Variants in FHIT observed in about 807,000 individuals in gnomAD.
The protein encoded by FHIT is fragile histidine triad diadenosine triphosphatase.
In FHIT, 19 loss-of-function variants were observed where a neutral mutation model predicts 17.9. That is an observed-to-expected ratio of 1.06 (90% CI 0.74 to 1.56). FHIT has a LOEUF of 1.56. Ranked by LOEUF, FHIT falls within the 40% of genes most tolerant of loss-of-function variation. The pLI, the probability that FHIT is intolerant of heterozygous loss-of-function variation, is 0.00. For synonymous variants in FHIT, 81 were observed against 69.7 expected (o/e 1.16, Z -0.81); for missense variants, 248 against 189.2 (o/e 1.31, Z -1.82).
intron 7 of FHIT, among the ~76,000 whole-genome samples, chr3:59,970,047 C>T (rs1191010278): frequency 6.6e-6 from 1 of 151,998 alleles, no homozygotes; most frequent in Non-Finnish European, 1.5e-5. Flanking sequence ...AGGGAACCTC[C>T]CTAACCTGCC....
At chr3:59,897,487 C>A (rs1704120941) in intron 8 of FHIT, among the ~76,000 whole-genome samples, 2 of 152,158 alleles carry the variant, frequency 1.3e-5, no homozygotes, top group Admixed American at 1.3e-4. Flanking sequence ...CCAACTACAT[C>A]AAGAATCTCT....
chr3:60,554,902 G>T (rs2036692337), intron 4 of FHIT, among the ~76,000 whole-genome samples: 1 of 152,138 alleles, frequency 6.6e-6, no homozygotes, highest in South Asian at 2.1e-4. Context: ...CGGAGTATAA[G>T]GCTAATTACA....
intron 3 of FHIT, among the ~76,000 whole-genome samples, chr3:61,014,808 A>AAAAAAAAAAT (rs1156410696): frequency 0.02 from 546 of 26,932 alleles, 63 homozygotes; most frequent in East Asian, 0.032. Context: ...AAAAAAAAAA[A>AAAAAAAAAAT]TATATATATA....
intron 2 of FHIT, among the ~76,000 whole-genome samples, chr3:61,196,824 G>A (rs1219440438): frequency 6.6e-6 from 1 of 152,218 alleles, no homozygotes; most frequent in Non-Finnish European, 1.5e-5. Flanking sequence ...GAGGGATACA[G>A]CCATTGCCAA....
chr3:60,230,273 T>C (rs1343638582), intron 5 of FHIT, among the ~76,000 whole-genome samples: 1 of 152,124 alleles, frequency 6.6e-6, no homozygotes. Context: ...CTAATCTAAA[T>C]ATAAAATCAC....
At chr3:61,017,949 C>A (rs181275272) in intron 3 of FHIT, among the ~76,000 whole-genome samples, 1 of 152,042 alleles carries the variant, frequency 6.6e-6, no homozygotes, top group Non-Finnish European at 1.5e-5. Flanking sequence ...AAAGAAGATA[C>A]GAGAGGAGTC....
In FHIT at chr3:60,022,219, A is replaced by G. The variant is rs1412870819; in HGVS notation, c.104-8067T>C. 3.3e-5 allele frequency among the ~76,000 whole-genome samples: 5 copies of G among 152,322 alleles called. No homozygotes were observed. The East Asian group carries it at 5.8e-4, about 18-fold the overall frequency. ...AAACAAAAAGTTGAGTACATGTCCT[A>G]TTAATCACATGGGCAAAGAAAGAGA... On this transcript the variant is annotated intron_variant, in intron 5 of 9. Coordinates refer to ENST00000492590, the MANE Select transcript of FHIT (RefSeq NM_002012.4).
At chr3:60,010,245 A>G (rs1700088431) in intron 7 of FHIT, among the ~76,000 whole-genome samples, 1 of 152,234 alleles carries the variant, frequency 6.6e-6, no homozygotes, top group Non-Finnish European at 1.5e-5. Flanking sequence ...AGAGCCTCAC[A>G]TGGAGGTGAG....
At chr3:60,920,392 C>T (rs1227671872) in intron 3 of FHIT, among the ~76,000 whole-genome samples, 1 of 152,062 alleles carries the variant, frequency 6.6e-6, no homozygotes, top group Non-Finnish European at 1.5e-5. Context: ...TATTATTCAA[C>T]TATTCCATTT....
At chr3:59,866,559 A>G (rs969680433) in intron 8 of FHIT, among the ~76,000 whole-genome samples, 2 of 152,210 alleles carry the variant, frequency 1.3e-5, no homozygotes, top group Non-Finnish European at 2.9e-5. Flanking sequence ...AGGATCAACA[A>G]GAAGACTGTT....
intron 2 of FHIT, among the ~76,000 whole-genome samples, chr3:61,115,620 G>A (rs940025215): frequency 1.4e-4 from 21 of 152,172 alleles, no homozygotes; most frequent in African/African-American, 4.3e-4. Context: ...TAGCCAGAAT[G>A]ACTCTGAGAT....
chr3:60,941,821 GT>G (rs1382239783), intron 3 of FHIT, among the ~76,000 whole-genome samples: 1 of 152,050 alleles, frequency 6.6e-6, no homozygotes, highest in Non-Finnish European at 1.5e-5. Context: ...TTTAGACTCT[GT>G]TCCACCTTCT....
chr3:60,972,418 T>C (rs370519619), intron 3 of FHIT, among the ~76,000 whole-genome samples: 31 of 152,338 alleles, frequency 2.0e-4, no homozygotes, highest in African/African-American at 7.2e-4. Context: ...TTCCATTGTT[T>C]TGGTTTAAAA....
chr3:60,294,280 G>A (rs939224501), intron 5 of FHIT, among the ~76,000 whole-genome samples: 1 of 152,104 alleles, frequency 6.6e-6, no homozygotes, highest in African/African-American at 2.4e-5. Context: ...ATGTCCAAGC[G>A]TACTTCTGAG....
At chr3:60,635,344 G>A (rs571579556) in intron 4 of FHIT, among the ~76,000 whole-genome samples, 91 of 152,096 alleles carry the variant, frequency 6.0e-4, no homozygotes, top group Non-Finnish European at 1.0e-3. Flanking sequence ...CATCTCCCTC[G>A]TAAACCGCAT....
intron 4 of FHIT, among the ~76,000 whole-genome samples, chr3:60,663,317 GA>G (rs1325108983): frequency 1.5e-4 from 23 of 151,452 alleles, no homozygotes; most frequent in African/African-American, 5.6e-4. Context: ...AATTTGGGCA[GA>G]ACTGACATCT....
chr3:60,422,226 A>T (rs241695), intron 5 of FHIT, among the ~76,000 whole-genome samples: 3,800 of 152,268 alleles, frequency 0.025, 76 homozygotes, highest in African/African-American at 0.065. Flanking sequence ...CTGGAGAGTC[A>T]TATGGAAATA....
intron 3 of FHIT, among the ~76,000 whole-genome samples, chr3:60,986,403 C>T (rs1351305158): frequency 6.6e-6 from 1 of 152,156 alleles, no homozygotes; most frequent in East Asian, 1.9e-4. Flanking sequence ...ATTCTCCTTT[C>T]TGAATACTGG....
chr3:60,885,800 T>C (rs1705196581), intron 3 of FHIT, among the ~76,000 whole-genome samples: 1 of 152,224 alleles, frequency 6.6e-6, no homozygotes, highest in South Asian at 2.1e-4. Context: ...TTGCTTGACA[T>C]TTAACTCTCA....
Sources: gnomAD v4.1 joint callset for allele counts (sites outside exome capture counted in the v4.1 genomes callset) on GRCh38, gnomAD v4.1.1 for gene constraint, MANE v1.5 for transcripts, NCBI Gene and HGNC (gene_info 2026-07-23, HGNC 2026-07-21) for gene names.